LIN28B: variants seen among roughly 807,000 people sequenced by gnomAD.
LIN28B encodes the protein protein lin-28 homolog B.
In LIN28B, 5 loss-of-function variants were observed where a neutral mutation model predicts 21.9. That is an observed-to-expected ratio of 0.23 (90% CI 0.12 to 0.48). The LOEUF is 0.48. LIN28B is among the 20% of genes least tolerant of loss of function. LIN28B has a pLI of 0.98. For missense variants in LIN28B, 245 were observed against 310.5 expected, an observed-to-expected ratio of 0.79 and a Z score of 1.58; for synonymous variants, 109 against 111.3, an observed-to-expected ratio of 0.98 and a Z score of 0.13.
chr6:105,039,730 C>T (rs954390253), intron 3 of LIN28B, among the ~76,000 whole-genome samples: 1 of 152,046 alleles, frequency 6.6e-6, no homozygotes, highest in Admixed American at 6.5e-5. Flanking sequence ...TAATAGATTC[C>T]ACACCTTATG....
chr6:105,004,902 A>G (rs1300089027), intron 2 of LIN28B, among the ~76,000 whole-genome samples: 1 of 152,102 alleles, frequency 6.6e-6, no homozygotes, highest in Non-Finnish European at 1.5e-5. Context: ...GGCCTGCTTG[A>G]TAGCTATTGT....
At chr6:105,000,132 G>A (rs1353184681) in intron 2 of LIN28B, among the ~76,000 whole-genome samples, 2 of 148,550 alleles carry the variant, frequency 1.3e-5, no homozygotes, top group African/African-American at 4.9e-5. Context: ...TGGGGGAGGG[G>A]GCACATTTGG....
intron 3 of LIN28B, among the ~76,000 whole-genome samples, chr6:105,035,070 T>C (rs755708454): frequency 3.9e-5 from 6 of 151,994 alleles, no homozygotes; most frequent in Non-Finnish European, 7.4e-5. Context: ...TTTTTCCAGG[T>C]ACTTTATGCT....
intron 1 of LIN28B, 41 bp from the exon 2 acceptor site, chr6:104,958,058 A>G (rs771021356): frequency 4.4e-6 from 6 of 1,352,700 alleles, no homozygotes; most frequent in East Asian, 2.6e-5. Context: ...TGCACATTGA[A>G]TGGGAATACA....
At chr6:105,023,333 TTATATTATATATAA>T (rs1771183846) in intron 2 of LIN28B, among the ~76,000 whole-genome samples, 1 of 27,924 alleles carries the variant, frequency 3.6e-5, no homozygotes, top group Non-Finnish European at 5.8e-5. Context: ...ATATATATAA[TTATATTATATATAA>T]TATATATAAT....
intron 2 of LIN28B, among the ~76,000 whole-genome samples, chr6:105,010,480 AT>A (rs1491290922): frequency 6.6e-6 from 1 of 151,584 alleles, no homozygotes; most frequent in African/African-American, 2.4e-5. Context: ...TATCAAAGAT[AT>A]TTTTTCTAAT....
intron 2 of LIN28B, among the ~76,000 whole-genome samples, chr6:104,997,280 C>CAA (rs767052570): frequency 8.2e-5 from 5 of 60,636 alleles, no homozygotes; most frequent in African/African-American, 1.2e-4. Flanking sequence ...GACTCCGTCT[C>CAA]AAAAAAAAAA....
intron 3 of LIN28B, among the ~76,000 whole-genome samples, chr6:105,053,714 C>CATGTGTGT (rs61525783): frequency 0.039 from 5,714 of 147,058 alleles, 183 homozygotes; most frequent in African/African-American, 0.077. Flanking sequence ...TGTGTGGGTG[C>CATGTGTGT]GTGTGTGTGT....
chr6:105,075,998 CTG>C (rs959276489), intron 3 of LIN28B, among the ~76,000 whole-genome samples: 1 of 152,104 alleles, frequency 6.6e-6, no homozygotes, highest in African/African-American at 2.4e-5. Context: ...TAGAGGAGAA[CTG>C]TGTGGGAAAA....
At chr6:104,939,938 A>T (rs1392004564) in intron 2 of LIN28B, among the ~76,000 whole-genome samples, 1 of 152,234 alleles carries the variant, frequency 6.6e-6, no homozygotes, top group Non-Finnish European at 1.5e-5. Flanking sequence ...ATTATAGGAG[A>T]GAAAGCAGTG....
chr6:104,989,749 G>A (rs1460474660), intron 2 of LIN28B, among the ~76,000 whole-genome samples: 1 of 151,678 alleles, frequency 6.6e-6, no homozygotes, highest in African/African-American at 2.4e-5. Flanking sequence ...GCGCCACCAT[G>A]TCTGGCTAAT....
At chr6:104,988,461 C>T (rs1388973138) in intron 2 of LIN28B, among the ~76,000 whole-genome samples, 2 of 146,708 alleles carry the variant, frequency 1.4e-5, no homozygotes, top group Non-Finnish European at 1.5e-5. Context: ...TTACCTTAAA[C>T]GTTTGGAAGA....
rs190375117 is a variant in LIN28B at position 105,021,120 on chromosome 6, T to C, written c.199-5178T>C. Among the ~76,000 whole-genome samples the C allele has an allele frequency of 2.6e-3, 396 of 152,222 alleles. 6 individuals are homozygous for C. Among genetic ancestry groups the C allele is most frequent in the African/African-American group, 9.3e-3 (385 of 41,514 alleles). ...GCATCCACTTATTAGTGAGAACATG[T>C]GATATTTGACTTTCTGTGCCTGGCT... On this transcript the variant is annotated intron_variant, in intron 2 of 3. Coordinates refer to ENST00000345080, the MANE Select transcript of LIN28B (RefSeq NM_001004317.4).
intron 2 of LIN28B, among the ~76,000 whole-genome samples, chr6:104,945,675 GTGAC>G (rs1778147962): frequency 6.6e-6 from 1 of 152,056 alleles, no homozygotes; most frequent in Non-Finnish European, 1.5e-5. Flanking sequence ...TGATCTAACA[GTGAC>G]TGGGCTGTGA....
upstream of LIN28B, among the ~76,000 whole-genome samples, chr6:104,956,151 C>T (rs552610105): frequency 5.9e-5 from 9 of 152,134 alleles, no homozygotes; most frequent in South Asian, 6.2e-4. Context: ...CTGCCCGCGC[C>T]GGCTTTTTTT....
rs1772519254 is a variant in LIN28B at position 105,080,319 on chromosome 6, A to C, written c.*1536A>C. On this transcript the variant is annotated 3_prime_UTR_variant, in exon 4 of 4. Coordinates refer to ENST00000345080, the MANE Select transcript of LIN28B (RefSeq NM_001004317.4). ...CTTAATATTGGGAATAAGATTAAGC[A>C]TTATAATTATAATGTATGGGCCTGT... The C allele has an allele frequency of 6.5e-6, 1 of 152,688 alleles. No individual in the cohort carries two copies. The allele number at this position is 152,688 out of a possible 1,614,324, so 9.5% of individuals were successfully genotyped here.
intron 3 of LIN28B, among the ~76,000 whole-genome samples, 154 bp from the exon 4 acceptor site, chr6:105,078,260 C>T (rs1340111820): frequency 6.6e-6 from 1 of 152,170 alleles, no homozygotes; most frequent in Non-Finnish European, 1.5e-5. Flanking sequence ...TTTGAACCAA[C>T]AGTGTAACCA....
chr6:105,068,836 G>T (rs186961325), intron 3 of LIN28B, among the ~76,000 whole-genome samples: 1 of 152,190 alleles, frequency 6.6e-6, no homozygotes, highest in African/African-American at 2.4e-5. Context: ...AGATATTAGG[G>T]TTTTGAAAAA....
At chr6:104,947,294 C>T (rs956157350) in intron 2 of LIN28B, among the ~76,000 whole-genome samples, 2 of 151,920 alleles carry the variant, frequency 1.3e-5, no homozygotes, top group African/African-American at 2.4e-5. Context: ...CTGGCTAATT[C>T]ATGTATTTTT....
Sources: gnomAD v4.1 joint callset for allele counts (sites outside exome capture counted in the v4.1 genomes callset) on GRCh38, gnomAD v4.1.1 for gene constraint, MANE v1.5 for transcripts, NCBI Gene and HGNC (gene_info 2026-07-23, HGNC 2026-07-21) for gene names.